The following POLH variants were observed in gnomAD, a reference collection of about 807,000 sequenced individuals.
POLH encodes the protein DNA polymerase eta transcript.
A neutral mutation model predicts 73.6 loss-of-function variants in POLH; 53 were observed. The observed-to-expected ratio is 0.72, with a 90% CI of 0.58 to 0.91. POLH has a LOEUF of 0.91. Among genes scored for constraint, POLH ranks in the 40% least tolerant of loss-of-function variants. POLH has a pLI of 0.00. For missense variants in POLH, 768 were observed against 865.4 expected (o/e 0.89, Z 1.41); for synonymous variants, 292 against 308.5 (o/e 0.95, Z 0.56).
intron 1 of POLH, among the ~76,000 whole-genome samples, chr6:43,581,486 C>T (rs1175038222): frequency 2.1e-5 from 3 of 146,314 alleles, no homozygotes; most frequent in Admixed American, 6.7e-5. Flanking sequence ...ACTTCCCAGA[C>T]GGGGTGGCGG....
intron 4 of POLH, chr6:43,588,346 GTCTT>G (rs1407882457): frequency 6.6e-6 from 1 of 152,030 alleles, no homozygotes; most frequent in Non-Finnish European, 1.5e-5. Context: ...TTAGATGTCT[GTCTT>G]TCCTTCCTTC....
chr6:43,604,611 T>C lies in POLH; in HGVS notation c.885-4T>C, dbSNP rs774835819. ...ACCTTAACGTTTTTTGCTGGTCTTA[T>C]TAGGTCTTGGCTATATGCCATGTGC... On this transcript the variant is annotated splice_region_variant and splice_polypyrimidine_tract_variant and intron_variant, in intron 7 of 10. Transcript: ENST00000372236. 1 of 1,613,976 alleles carries C rather than the reference T, an allele frequency of 6.2e-7. No homozygotes were observed. The highest frequency in any genetic ancestry group is 8.5e-7 in the Non-Finnish European group (1 of 1,179,810).
intron 1 of POLH, among the ~76,000 whole-genome samples, chr6:43,577,247 A>T (rs1763462827): frequency 6.6e-6 from 1 of 152,202 alleles, no homozygotes; most frequent in South Asian, 2.1e-4. Context: ...CAGCTTTATT[A>T]TCTGTTAAAG....
At chr6:43,609,324 A>G (rs890173062) in intron 9 of POLH, among the ~76,000 whole-genome samples, 4 of 152,182 alleles carry the variant, frequency 2.6e-5, no homozygotes, top group African/African-American at 9.7e-5. Flanking sequence ...ATAGTTGAAT[A>G]ATTTTGGTCA....
At position 43,582,440 on chromosome 6, in the gene POLH, T is replaced by C; in HGVS notation, c.121T>C (p.Ser41Pro). 1.2e-6 allele frequency: 2 copies of C among 1,613,984 alleles called. No homozygotes were observed. The highest frequency in any genetic ancestry group is 1.7e-6 in the Non-Finnish European group (2 of 1,179,864). ...ACCTTGTGCAGTTGTACAGTACAAATCATGGAAGGGTGGTGGGTATGTATC... is the reference window on the plus strand; with the variant it reads ...ACCTTGTGCAGTTGTACAGTACAAACCATGGAAGGGTGGTGGGTATGTATC... ...NKPCAVVQYK[S>P]WKGGGIIAVS... The change falls in exon 2 of 11, where the codon TCA becomes CCA. Residue 41 changes from serine to proline, a missense_variant. Coordinates refer to ENST00000372236, the MANE Select transcript of POLH (RefSeq NM_006502.3).
chr6:43,608,594 C>T (rs1169212277), intron 9 of POLH, among the ~76,000 whole-genome samples: 2 of 152,152 alleles, frequency 1.3e-5, no homozygotes, highest in African/African-American at 4.8e-5. Flanking sequence ...AACCTTAGCT[C>T]ACTGCAGCCT....
chr6:43,600,584 C>G (rs1398495850), intron 5 of POLH, among the ~76,000 whole-genome samples: 1 of 150,780 alleles, frequency 6.6e-6, no homozygotes, highest in Admixed American at 6.6e-5. Context: ...AACTATTAAT[C>G]AAGAAATGTA....
In POLH at chr6:43,617,513, G is replaced by T. The variant is rs767518821; in HGVS notation, c.*2956G>T. 1.3e-5 allele frequency among the ~76,000 whole-genome samples: 2 copies of T among 152,052 alleles called. No homozygotes were observed. The highest frequency in any genetic ancestry group is 4.8e-5 in the African/African-American group (2 of 41,396). ...GTGGTGACGCATGCGTGTAATCCCA[G>T]CTACTTAGGAGGCTGAGGCAGGAGA... On this transcript the variant is annotated 3_prime_UTR_variant, in exon 11 of 11. Transcript: ENST00000372236.
chr6:43,612,800 A>AT (rs973070635), intron 10 of POLH, among the ~76,000 whole-genome samples: 4,385 of 134,044 alleles, frequency 0.033, 90 homozygotes, highest in African/African-American at 0.049. Context: ...AAAATTTCTG[A>AT]TTTTTTTTTT....
chr6:43,581,574 C>T (rs1174922859), intron 1 of POLH, among the ~76,000 whole-genome samples: 2 of 150,450 alleles, frequency 1.3e-5, no homozygotes, highest in African/African-American at 2.5e-5. Context: ...CCGCGGGGCC[C>T]GTCCGCTCCT....
chr6:43,604,249 A>G (rs1767034070), intron 7 of POLH, among the ~76,000 whole-genome samples: 1 of 152,216 alleles, frequency 6.6e-6, no homozygotes, highest in Admixed American at 6.5e-5. Flanking sequence ...ATGCCTGAGT[A>G]TATACTAATT....
Position 43,620,465 on chromosome 6 carries a change from G to A in POLH, c.*5908G>A, listed in dbSNP as rs1188639326. The stretch of plus-strand genomic sequence containing the variant: ...GTATCTAGCCCTGGAAGGAAGCTGA[G>A]CCTGTAGCTAACGCATAAGCACAGT... On this transcript the variant is annotated 3_prime_UTR_variant, in exon 11 of 11. Coordinates refer to ENST00000372236, the MANE Select transcript of POLH (RefSeq NM_006502.3). 2.8e-6 allele frequency: 1 copy of A among 358,714 alleles called. No individual in the cohort carries two copies. Among genetic ancestry groups the A allele is most frequent in the Non-Finnish European group, 5.4e-6 (1 of 186,494 alleles). 22.2% of individuals were successfully genotyped at this position (358,714 alleles called of 1,614,324 possible). A position where few individuals can be genotyped will look rare whatever the true frequency, so the allele number is the denominator to read the frequency against.
intron 6 of POLH, among the ~76,000 whole-genome samples, chr6:43,601,855 C>A (rs547796656): frequency 3.9e-5 from 6 of 151,988 alleles, no homozygotes; most frequent in Non-Finnish European, 7.4e-5. Flanking sequence ...GTCAGGAGTT[C>A]GAGACCAGCC....
intron 10 of POLH, 33 bp downstream of exon 10, chr6:43,610,756 AGAT>A (rs1259092765): frequency 6.4e-7 from 1 of 1,550,494 alleles, no homozygotes; most frequent in South Asian, 1.1e-5. Context: ...TTCTCAGAAT[AGAT>A]GATGATTCTT....
In POLH at chr6:43,617,065, G is replaced by C. The variant is rs748447904; in HGVS notation, c.*2508G>C. Among the ~76,000 whole-genome samples the C allele has an allele frequency of 9.9e-5, 15 of 152,020 alleles. No homozygotes were observed. Among genetic ancestry groups the C allele is most frequent in the Non-Finnish European group, 1.9e-4 (13 of 68,000 alleles). On this transcript the variant is annotated 3_prime_UTR_variant, in exon 11 of 11. Transcript: ENST00000372236. ...ATTAGCCGGGCATGGTGGTGGGTGC[G>C]TGTAATCCCAGCTAGTTGGGAGGCT...
At chr6:43,613,044 C>T (rs956148723) in intron 10 of POLH, among the ~76,000 whole-genome samples, 13 of 152,028 alleles carry the variant, frequency 8.6e-5, no homozygotes, top group Non-Finnish European at 1.5e-4. Flanking sequence ...ATGACCCACC[C>T]GCCTTAGCCT....
intron 1 of POLH, among the ~76,000 whole-genome samples, chr6:43,581,609 CT>C (rs1309948222): frequency 2.7e-5 from 4 of 148,394 alleles, no homozygotes; most frequent in Admixed American, 2.6e-4. Context: ...CCGGGCGGCG[CT>C]CGCCGGCGCG....
intron 10 of POLH, among the ~76,000 whole-genome samples, chr6:43,612,685 T>G (rs1011554352): frequency 6.6e-6 from 1 of 152,052 alleles, no homozygotes; most frequent in African/African-American, 2.4e-5. Context: ...ATTTACCCTT[T>G]ACCTCATTGA....
chr6:43,610,558 A>G lies in POLH; in HGVS notation c.1079A>G (p.Asp360Gly). 6.2e-7 allele frequency: 1 copy of G among 1,613,882 alleles called. No individual in the cohort carries two copies. The highest frequency in any genetic ancestry group is 8.5e-7 in the Non-Finnish European group (1 of 1,179,828). Residue 360 changes from aspartate (D) to glycine (G), a missense_variant, in exon 10 of 11, where the codon GAC (aspartate) becomes GGC (glycine). Transcript: ENST00000372236. ...ERLTKDRNDN[D>G]RVATQLVVSI... ...CTCCATCCTTTCCACCCACAGAATG[A>G]CAGGGTAGCCACCCAGCTGGTTGTG...
Sources: allele counts gnomAD v4.1 joint callset (sites outside exome capture counted in the v4.1 genomes callset), GRCh38; gene constraint gnomAD v4.1.1; transcripts MANE v1.5; gene names NCBI Gene and HGNC (gene_info 2026-07-23, HGNC 2026-07-21).